Variants in USH2A observed in about 807,000 individuals in gnomAD.
The protein encoded by USH2A is usherin, also known as Usher syndrome 2A (autosomal recessive, mild).
USH2A carries 443 observed loss-of-function variants against 538.9 expected under a neutral mutation model. The observed-to-expected ratio is 0.82, with a 90% confidence interval of 0.76 to 0.89. The LOEUF (loss-of-function observed/expected upper bound fraction) is 0.89. Ranked by LOEUF, USH2A falls within the 40% of genes least tolerant of loss-of-function variation. The probability of loss-of-function intolerance (pLI) is 0.00; values close to 1 mark genes in which losing one functional copy is unlikely to be tolerated. For missense variants in USH2A, 6,633 were observed against 6,324.8 expected (o/e 1.05, Z -1.65); for synonymous variants, 2,413 against 2,273.5 (o/e 1.06, Z -1.75).
intron 34 of USH2A, among the ~76,000 whole-genome samples, chr1:215,998,357 A>G (rs895248377): frequency 1.3e-5 from 2 of 152,078 alleles, no homozygotes; most frequent in African/African-American, 4.8e-5. Flanking sequence ...TTGTTTGTCT[A>G]AGGGAACCTC....
chr1:216,079,548 C>T (rs1318405304), intron 26 of USH2A, among the ~76,000 whole-genome samples: 1 of 152,050 alleles, frequency 6.6e-6, no homozygotes, highest in Non-Finnish European at 1.5e-5. Flanking sequence ...ACAAAGGGTA[C>T]ATATGGAGGT....
chr1:215,672,904 A>G (rs1657870937), intron 63 of USH2A, among the ~76,000 whole-genome samples: 1 of 152,214 alleles, frequency 6.6e-6, no homozygotes, highest in Non-Finnish European at 1.5e-5. Flanking sequence ...TGGAAAAAGC[A>G]TTCCTTTCAT....
intron 35 of USH2A, 141 bp from the exon 36 acceptor site, chr1:215,970,917 T>C: frequency 1.2e-6 from 1 of 863,196 alleles, no homozygotes; most frequent in Non-Finnish European, 1.9e-6. Flanking sequence ...TTGTCTAAAC[T>C]CTGTCTCTTA....
intron 58 of USH2A, among the ~76,000 whole-genome samples, chr1:215,750,331 C>G (rs564491499): frequency 2.0e-5 from 3 of 152,014 alleles, no homozygotes; most frequent in African/African-American, 7.2e-5. Context: ...TCTTTTCTAC[C>G]TTACTAGATG....
At chr1:215,828,392 C>G (rs1663215640) in intron 47 of USH2A, among the ~76,000 whole-genome samples, 1 of 152,100 alleles carries the variant, frequency 6.6e-6, no homozygotes, top group South Asian at 2.1e-4. Flanking sequence ...AAGGTCAAGG[C>G]TGCAGTGAGC....
intron 15 of USH2A, among the ~76,000 whole-genome samples, chr1:216,213,024 C>G (rs372604814): frequency 6.6e-6 from 1 of 151,914 alleles, no homozygotes; most frequent in Middle Eastern, 3.2e-3. Context: ...AATAACATTG[C>G]GCAATTATAC....
intron 1 of USH2A, among the ~76,000 whole-genome samples, chr1:216,422,784 T>C (rs1296295812): frequency 6.6e-6 from 1 of 151,586 alleles, no homozygotes; most frequent in Admixed American, 6.6e-5. Flanking sequence ...CAGTTATACA[T>C]AAATATTTAT....
intron 11 of USH2A, among the ~76,000 whole-genome samples, chr1:216,256,356 T>C (rs1382692284): frequency 4.0e-5 from 6 of 151,484 alleles, no homozygotes; most frequent in African/African-American, 1.5e-4. Context: ...TGTTATTTTA[T>C]ATTTCTTTAT....
At chr1:216,416,786 A>G (rs564406142) in intron 3 of USH2A, among the ~76,000 whole-genome samples, 14 of 150,992 alleles carry the variant, frequency 9.3e-5, no homozygotes, top group African/African-American at 3.4e-4. Context: ...AACATGGCAC[A>G]GTTTCACAGA....
intron 67 of USH2A, among the ~76,000 whole-genome samples, chr1:215,644,910 A>G (rs1295462670): frequency 6.6e-6 from 1 of 152,192 alleles, no homozygotes; most frequent in Non-Finnish European, 1.5e-5. Context: ...GGGTAGAAGG[A>G]ACTTTGAATC....
chr1:216,072,154 T>C (rs1432474203), intron 29 of USH2A, among the ~76,000 whole-genome samples: 1 of 152,206 alleles, frequency 6.6e-6, no homozygotes, highest in African/African-American at 2.4e-5. Flanking sequence ...CATCTGGAGA[T>C]GTGTTCAGTT....
At chr1:215,948,817 A>C (rs1255616199) in intron 37 of USH2A, among the ~76,000 whole-genome samples, 3 of 152,112 alleles carry the variant, frequency 2.0e-5, no homozygotes, top group Non-Finnish European at 4.4e-5. Context: ...TTACTTCATA[A>C]GCTTATTTTA....
intron 11 of USH2A, among the ~76,000 whole-genome samples, chr1:216,286,212 C>G (rs1199145606): frequency 6.6e-6 from 1 of 152,096 alleles, no homozygotes; most frequent in Non-Finnish European, 1.5e-5. Flanking sequence ...GTGGGAGGAA[C>G]CAGGTGGAGA....
chr1:216,171,268 G>C (rs1244254804), intron 21 of USH2A, among the ~76,000 whole-genome samples: 1 of 151,898 alleles, frequency 6.6e-6, no homozygotes, highest in Non-Finnish European at 1.5e-5. Context: ...TATGTTCACA[G>C]AATTGGAATT....
At chr1:215,918,164 T>G (rs957371675) in intron 38 of USH2A, among the ~76,000 whole-genome samples, 3 of 152,060 alleles carry the variant, frequency 2.0e-5, no homozygotes, top group African/African-American at 4.8e-5. Context: ...ATAAAAGTCA[T>G]TGTAACAACG....
chr1:216,218,721 A>G (rs536319519), intron 14 of USH2A, among the ~76,000 whole-genome samples: 1 of 152,194 alleles, frequency 6.6e-6, no homozygotes, highest in East Asian at 1.9e-4. Flanking sequence ...TGGTCATGAT[A>G]AAAGGACATT....
rs73090780 is a variant in USH2A at position 215,892,364 on chromosome 1, T to C, written c.7595-3310A>G. Among the ~76,000 whole-genome samples, 1,146 of 152,272 alleles carry C rather than the reference T, an allele frequency of 7.5e-3. 15 individuals carry two copies. The highest frequency in any genetic ancestry group is 0.026 in the African/African-American group (1,081 of 41,544). Reference sequence around the variant, plus strand: ...TTAAAGCCTCGCTCAGTTTAAAAACTCTTTTTGGTAATATTAACTCCATAA... The same window carrying C: ...TTAAAGCCTCGCTCAGTTTAAAAACCCTTTTTGGTAATATTAACTCCATAA... On this transcript the variant is annotated intron_variant, in intron 40 of 71. Coordinates refer to ENST00000307340, the MANE Select transcript of USH2A (RefSeq NM_206933.4).
At chr1:215,858,675 T>C (rs1010439356) in intron 44 of USH2A, among the ~76,000 whole-genome samples, 4 of 151,940 alleles carry the variant, frequency 2.6e-5, no homozygotes, top group African/African-American at 9.7e-5. Context: ...AAAAAGGTTG[T>C]AACCTTTTTG....
chr1:216,328,187 A>G (rs1186563454), intron 4 of USH2A, among the ~76,000 whole-genome samples: 1 of 152,166 alleles, frequency 6.6e-6, no homozygotes, highest in East Asian at 1.9e-4. Context: ...TCCTACTTGT[A>G]GGTTCTGTGT....
Sources: gnomAD v4.1 joint callset for allele counts (sites outside exome capture counted in the v4.1 genomes callset) on GRCh38, gnomAD v4.1.1 for gene constraint, MANE v1.5 for transcripts, NCBI Gene and HGNC (gene_info 2026-07-23, HGNC 2026-07-21) for gene names.